Variants in PVR observed in about 807,000 individuals in gnomAD.
PVR encodes PVR cell adhesion molecule.
Under a neutral mutation model 43.3 loss-of-function variants are expected in PVR, and 39 were observed. That is an observed-to-expected ratio of 0.90 (90% CI 0.70 to 1.18). The LOEUF (loss-of-function observed/expected upper bound fraction) is 1.18, where lower values mean the gene tolerates loss of function less well. Ranked by LOEUF, PVR falls within the 50% of genes most tolerant of loss-of-function variation. PVR has a pLI of 0.00. For missense variants in PVR, 480 were observed against 549.7 expected (o/e 0.87, Z 1.27); for synonymous variants, 224 against 233.2 (o/e 0.96, Z 0.36).
In PVR at chr19:44,651,159, C is replaced by T. The variant is rs925152488; in HGVS notation, c.724+1054C>T. Among the ~76,000 whole-genome samples the T allele has an allele frequency of 5.3e-5, 8 of 152,304 alleles. No individual in the cohort carries two copies. The East Asian group carries it at 1.5e-3, about 29-fold the overall frequency. ...CTGAGATTACAGGCGTGAGCCACTGCACCTGGCCCCTTGTCCATTTTCTAC... is the reference window on the plus strand; with the variant it reads ...CTGAGATTACAGGCGTGAGCCACTGTACCTGGCCCCTTGTCCATTTTCTAC... On this transcript the variant is annotated intron_variant, in intron 3 of 7. Transcript: ENST00000425690.
At chr19:44,647,666 G>GAC in intron 2 of PVR, 96 bp downstream of exon 2, 7 of 723,462 alleles carry the variant, frequency 9.7e-6, no homozygotes, top group Non-Finnish European at 1.4e-5. Flanking sequence ...GGGAGGGAGG[G>GAC]AGATTCCCTC....
rs1319379410 is a variant in PVR at position 44,644,101 on chromosome 19, C to T, written c.5C>T (p.Ala2Val). The T allele has an allele frequency of 1.3e-6, 2 of 1,516,986 alleles. No individual in the cohort carries two copies. Among genetic ancestry groups the T allele is most frequent in the Non-Finnish European group, 1.8e-6 (2 of 1,138,448 alleles). The allele number at this position is 1,516,986 out of a possible 1,614,324, so 94.0% of individuals were successfully genotyped here. Residue 2 changes from alanine to valine, a missense_variant, in exon 1 of 8, where the codon GCC becomes GTC. Ala to Val is a moderately conservative substitution (Grantham distance 64). Transcript: ENST00000425690. M[A>V]RAMAAAWPLL... ...CAGCTGCTCGGAGCAACTGGCATGG[C>T]CCGAGCCATGGCCGCCGCGTGGCCG...
At position 44,643,960 on chromosome 19, in the gene PVR, G is replaced by C; in HGVS notation, c.-137G>C. 1 of 620,704 alleles carries C rather than the reference G, an allele frequency of 1.6e-6. No individual in the cohort carries two copies. Among genetic ancestry groups the C allele is most frequent in the Non-Finnish European group, 2.7e-6 (1 of 375,266 alleles). The allele number at this position is 620,704 out of a possible 1,614,324, so 38.4% of individuals were successfully genotyped here. ...GTGGGTATTCCCCTTCCCACCCCAG[G>C]CACTGGAGGAGCGGCCCCCCGGGGA... On this transcript the variant is annotated 5_prime_UTR_variant, in exon 1 of 8. Transcript: ENST00000425690.
rs1266776324 is a variant in PVR at position 44,658,912 on chromosome 19, C to T, written c.1150+12C>T. 6.2e-7 allele frequency: 1 copy of T among 1,612,450 alleles called. No individual in the cohort carries two copies. The highest frequency in any genetic ancestry group is 1.7e-5 in the Admixed American group (1 of 59,888). On this transcript the variant is annotated intron_variant, in intron 6 of 7. Transcript: ENST00000425690. ...TCTGTGTCCCTCGAGTGAGCATCAC[C>T]AGAGCTGCCGTAATTGAGCACCTAC...
chr19:44,647,060 C>G (rs1463083307), intron 1 of PVR, among the ~76,000 whole-genome samples, 163 bp from the exon 2 acceptor site: 1 of 152,216 alleles, frequency 6.6e-6, no homozygotes. Context: ...TGCCATGGCC[C>G]CAACTAGTGC....
chr19:44,655,224 A>G (rs1415811942), intron 4 of PVR, among the ~76,000 whole-genome samples: 6 of 152,086 alleles, frequency 3.9e-5, no homozygotes, highest in Admixed American at 2.6e-4. Flanking sequence ...AGCTGGGACT[A>G]CAGGCACACG....
At chr19:44,654,054 C>T in intron 4 of PVR, 37 bp downstream of exon 4, 1 of 1,512,732 alleles carries the variant, frequency 6.6e-7, no homozygotes, top group Non-Finnish European at 9.2e-7. Context: ...GGCTGGGGGT[C>T]TGGATTTCTA....
chr19:44,644,176 G>T lies in PVR; in HGVS notation c.79+1G>T. 6.7e-7 allele frequency: 1 copy of T among 1,500,750 alleles called. No homozygotes were observed. The allele number at this position is 1,500,750 out of a possible 1,614,324, so 93.0% of individuals were successfully genotyped here. A position where few individuals can be genotyped will look rare whatever the true frequency, so the allele number is the denominator to read the frequency against. On this transcript the variant is annotated splice_donor_variant, in intron 1 of 7. Coordinates refer to ENST00000425690, the MANE Select transcript of PVR (RefSeq NM_006505.5). LOFTEE classifies it high-confidence loss of function. ...CTGTCCTGGCCACCCCCAGGAACCG[G>T]TGAGTGACCCCCGCGCAGTCCGGTG...
intron 4 of PVR, among the ~76,000 whole-genome samples, chr19:44,655,139 A>G (rs981014981): frequency 2.6e-5 from 4 of 152,076 alleles, no homozygotes; most frequent in African/African-American, 9.7e-5. Flanking sequence ...GCTGGAGTGC[A>G]GTGGCGTGAT....
Position 44,657,900 on chromosome 19 carries a change from C to G in PVR, c.981C>G (p.Val327=), listed in dbSNP as rs1973496145. 2 of 1,613,602 alleles carry G rather than the reference C, an allele frequency of 1.2e-6. No individual in the cohort carries two copies. The highest frequency in any genetic ancestry group is 1.3e-5 in the African/African-American group (1 of 75,010). ...GAGCTCGCCAGGCAGAACTGACCGT[C>G]CAGGTCAAAGGTGAGGAACTCCCTG... The part of the protein sequence containing the change: ...ALGARQAELT[V]QVKEGPPSEH... The change falls in exon 5 of 8, where the codon GTC becomes GTG. Residue 327 remains valine, a synonymous_variant. Coordinates refer to ENST00000425690, the MANE Select transcript of PVR (RefSeq NM_006505.5).
intron 4 of PVR, among the ~76,000 whole-genome samples, chr19:44,654,666 G>A (rs778281779): frequency 6.6e-5 from 10 of 152,230 alleles, no homozygotes; most frequent in African/African-American, 1.9e-4. Context: ...CTGGTCCTCC[G>A]CCTCTTGGCC....
At chr19:44,651,565 C>T (rs1048194150) in intron 3 of PVR, among the ~76,000 whole-genome samples, 6 of 151,994 alleles carry the variant, frequency 3.9e-5, no homozygotes, top group African/African-American at 1.4e-4. Flanking sequence ...GTGTAGTCTC[C>T]ATGTTCCTCT....
At chr19:44,654,689 C>A (rs1371399782) in intron 4 of PVR, among the ~76,000 whole-genome samples, 1 of 152,254 alleles carries the variant, frequency 6.6e-6, no homozygotes, top group African/African-American at 2.4e-5. Flanking sequence ...GCTTGTCTAA[C>A]CTGCAGGCCA....
chr19:44,661,392 G>C, intron 7 of PVR, 69 bp downstream of exon 7: 1 of 1,523,018 alleles, frequency 6.6e-7, no homozygotes, highest in South Asian at 1.1e-5. Context: ...GTCTTCAGAT[G>C]CCCACGGCCC....
chr19:44,654,637 T>C (rs1973389018), intron 4 of PVR, among the ~76,000 whole-genome samples: 2 of 152,236 alleles, frequency 1.3e-5, no homozygotes, highest in African/African-American at 4.8e-5. Context: ...GGCCCTTGAA[T>C]CAGCGCTCGG....
rs1267314084 is a variant in PVR at position 44,661,777 on chromosome 19, C to T, written c.1220C>T (p.Ser407Phe). 5 of 1,613,920 alleles carry T rather than the reference C, an allele frequency of 3.1e-6. No homozygotes were observed. In the Admixed American group the frequency reaches 6.7e-5, roughly 22 times the overall value. Reference sequence around the variant, plus strand: ...TCAGCTGTGAGCAGAGAGAACAGCTCTTCCCAGGATCCACAGACAGAGGGC... The same window carrying T: ...TCAGCTGTGAGCAGAGAGAACAGCTTTTCCCAGGATCCACAGACAGAGGGC... ...SYSAVSRENS[S>F]SQDPQTEGTR Residue 407 changes from serine to phenylalanine, a missense_variant, in exon 8 of 8, where the codon TCT becomes TTT. Physicochemically the swap from Ser to Phe is radical, Grantham distance 155 (BLOSUM62 -2). Coordinates refer to ENST00000425690, the MANE Select transcript of PVR (RefSeq NM_006505.5).
chr19:44,661,429 C>T, intron 7 of PVR, 106 bp downstream of exon 7: 1 of 1,251,296 alleles, frequency 8.0e-7, no homozygotes. Flanking sequence ...GTCTTTTCTC[C>T]TGGTGCCTCG....
intron 4 of PVR, 131 bp downstream of exon 4, chr19:44,654,148 G>T (rs1276435293): frequency 1.5e-6 from 1 of 685,606 alleles, no homozygotes; most frequent in Non-Finnish European, 2.4e-6. Context: ...GGGTCTGAGG[G>T]ACGAGAGGCT....
Position 44,664,712 on chromosome 19 carries a change from T to C in PVR, c.*2901T>C, listed in dbSNP as rs1354185530. On this transcript the variant is annotated 3_prime_UTR_variant, in exon 8 of 8. Transcript: ENST00000425690. The stretch of plus-strand genomic sequence containing the variant: ...CTTTACACACTGTCATTTATTTTAC[T>C]TTTTTTTTTTTTTATTTTAGAGAAA... 2 of 115,178 alleles carry C rather than the reference T, an allele frequency of 1.7e-5. No individual in the cohort carries two copies. Among genetic ancestry groups the C allele is most frequent in the Non-Finnish European group, 3.4e-5 (2 of 58,074 alleles). The allele number at this position is 115,178 out of a possible 1,614,324, so 7.1% of individuals were successfully genotyped here.
Sources: gnomAD v4.1 joint callset for allele counts (sites outside exome capture counted in the v4.1 genomes callset) on GRCh38, gnomAD v4.1.1 for gene constraint, MANE v1.5 for transcripts, NCBI Gene and HGNC (gene_info 2026-07-23, HGNC 2026-07-21) for gene names.